The following NELL1 variants were observed in gnomAD, a reference collection of about 807,000 sequenced individuals.
NELL1 encodes protein kinase C-binding protein NELL1.
A neutral mutation model predicts 107.4 loss-of-function variants in NELL1; 76 were observed. That is an observed-to-expected ratio of 0.71 (90% confidence interval 0.59 to 0.86). The LOEUF is 0.86. NELL1 is among the 40% of genes least tolerant of loss of function. The pLI is 0.00. For synonymous variants in NELL1, 353 were observed against 341.2 expected, an observed-to-expected ratio of 1.03 and a Z score of -0.38; for missense variants, 1,024 against 1,005.5, an observed-to-expected ratio of 1.02 and a Z score of -0.25.
chr11:21,135,617 G>C (rs1855728342), intron 13 of NELL1, among the ~76,000 whole-genome samples: 1 of 152,052 alleles, frequency 6.6e-6, no homozygotes, highest in Non-Finnish European at 1.5e-5. Context: ...AACAATAGCT[G>C]CTCCTTTATC....
At chr11:21,213,931 C>T (rs2133863800) in intron 13 of NELL1, among the ~76,000 whole-genome samples, 1 of 152,230 alleles carries the variant, frequency 6.6e-6, no homozygotes, top group Non-Finnish European at 1.5e-5. Context: ...AGTTCTTGGA[C>T]ATTACATTAA....
intron 5 of NELL1, among the ~76,000 whole-genome samples, chr11:20,904,173 C>T (rs972682834): frequency 1.3e-5 from 2 of 150,892 alleles, no homozygotes; most frequent in African/African-American, 4.9e-5. Context: ...CTAACCTGCA[C>T]AATGTGCACA....
chr11:20,851,070 C>T (rs967458321), intron 4 of NELL1, among the ~76,000 whole-genome samples: 17 of 152,160 alleles, frequency 1.1e-4, no homozygotes, highest in African/African-American at 4.1e-4. Context: ...AAGGTCACAA[C>T]CACACCAGGG....
chr11:21,471,896 G>A (rs1854193161), intron 15 of NELL1, among the ~76,000 whole-genome samples: 1 of 151,950 alleles, frequency 6.6e-6, no homozygotes, highest in Non-Finnish European at 1.5e-5. Context: ...ACAGAAAGCT[G>A]CAACTGATAT....
At chr11:20,949,614 A>G (rs1464509676) in intron 11 of NELL1, among the ~76,000 whole-genome samples, 1 of 152,182 alleles carries the variant, frequency 6.6e-6, no homozygotes, top group Non-Finnish European at 1.5e-5. Flanking sequence ...GAAATTCAGG[A>G]GGGATTTCAT....
intron 2 of NELL1, among the ~76,000 whole-genome samples, chr11:20,704,187 G>T (rs1016228126): frequency 6.6e-6 from 1 of 152,132 alleles, no homozygotes; most frequent in East Asian, 1.9e-4. Context: ...TCTGGGAGCT[G>T]CTGTATTGGG....
chr11:20,860,269 T>C (rs765653634), intron 4 of NELL1, among the ~76,000 whole-genome samples: 3 of 152,242 alleles, frequency 2.0e-5, no homozygotes, highest in Non-Finnish European at 4.4e-5. Context: ...TTGATTGATG[T>C]CTGCCTTTCC....
At chr11:21,006,903 T>A (rs1301737900) in intron 12 of NELL1, among the ~76,000 whole-genome samples, 1 of 152,134 alleles carries the variant, frequency 6.6e-6, no homozygotes. Flanking sequence ...TCTAGCAACC[T>A]TTAACATGGT....
chr11:20,818,330 T>C (rs1410080610), intron 3 of NELL1, among the ~76,000 whole-genome samples: 1 of 151,368 alleles, frequency 6.6e-6, no homozygotes, highest in African/African-American at 2.5e-5. Context: ...TCAGCATACG[T>C]AACGTCTTTC....
chr11:21,478,136 C>A (rs1199907873), intron 15 of NELL1, among the ~76,000 whole-genome samples: 1 of 152,098 alleles, frequency 6.6e-6, no homozygotes, highest in East Asian at 1.9e-4. Context: ...ACTTTCTTCA[C>A]AAGGTGGCAG....
intron 2 of NELL1, among the ~76,000 whole-genome samples, chr11:20,685,444 A>G (rs2133858932): frequency 6.6e-6 from 1 of 152,262 alleles, no homozygotes; most frequent in South Asian, 2.1e-4. Context: ...GGAGATGCTC[A>G]GAAATTTTAC....
At chr11:21,525,940 C>T (rs1436361790) in intron 15 of NELL1, among the ~76,000 whole-genome samples, 1 of 152,174 alleles carries the variant, frequency 6.6e-6, no homozygotes, top group East Asian at 1.9e-4. Context: ...CTGACCCCTC[C>T]CAAATCTCAT....
intron 12 of NELL1, among the ~76,000 whole-genome samples, chr11:20,961,944 A>T (rs1851299888): frequency 6.6e-6 from 1 of 152,154 alleles, no homozygotes. Context: ...ACTAGAGACC[A>T]GTACCTTGTA....
At chr11:21,291,134 A>C (rs1324211134) in intron 14 of NELL1, among the ~76,000 whole-genome samples, 1 of 152,226 alleles carries the variant, frequency 6.6e-6, no homozygotes, top group African/African-American at 2.4e-5. Context: ...TAACCAGTTC[A>C]GAGAAGAACA....
At chr11:21,283,941 A>G in intron 14 of NELL1, 1 of 313,846 alleles carries the variant, frequency 3.2e-6, no homozygotes, top group Non-Finnish European at 6.3e-6. Context: ...TGTGGTGGGC[A>G]GCACACAGTG....
At chr11:20,694,323 G>T (rs1322025723) in intron 2 of NELL1, among the ~76,000 whole-genome samples, 4 of 151,998 alleles carry the variant, frequency 2.6e-5, no homozygotes, top group African/African-American at 9.7e-5. Context: ...TGAGGTACTA[G>T]CCATAAATTC....
chr11:21,401,352 A>G (rs1004191371), intron 15 of NELL1, among the ~76,000 whole-genome samples: 4 of 151,842 alleles, frequency 2.6e-5, no homozygotes, highest in Non-Finnish European at 5.9e-5. Flanking sequence ...AATTGGGAAG[A>G]CTTTATTTGT....
At position 21,544,774 on chromosome 11, in the gene NELL1, T is replaced by C. The variant is rs188692750; in HGVS notation, c.1786+10260T>C. ...ATCTTATGGATTTGGTTTCTATTATTATAAAACACACTAATTGAAAACTTG... is the reference window on the plus strand; with the variant it reads ...ATCTTATGGATTTGGTTTCTATTATCATAAAACACACTAATTGAAAACTTG... On this transcript the variant is annotated intron_variant, in intron 16 of 19. Transcript: ENST00000357134. Among the ~76,000 whole-genome samples the C allele has an allele frequency of 3.3e-5, 5 of 152,062 alleles. No individual in the cohort carries two copies. In the East Asian group the frequency reaches 9.7e-4, roughly 30 times the overall value.
intron 14 of NELL1, among the ~76,000 whole-genome samples, chr11:21,247,447 T>G (rs951120924): frequency 6.6e-6 from 1 of 152,086 alleles, no homozygotes; most frequent in Non-Finnish European, 1.5e-5. Context: ...CCTTTTGAGG[T>G]TTTTTGTTTA....
Sources: allele counts gnomAD v4.1 joint callset (sites outside exome capture counted in the v4.1 genomes callset), GRCh38; gene constraint gnomAD v4.1.1; transcripts MANE v1.5; gene names NCBI Gene and HGNC (gene_info 2026-07-23, HGNC 2026-07-21).